Variants in SLC15A2 observed in about 807,000 individuals in gnomAD.
SLC15A2 encodes solute carrier family 15 member 2, also known as kidney H(+)/peptide cotransporter.
In SLC15A2, 77 loss-of-function variants were observed where a neutral mutation model predicts 95.5. The ratio of observed to expected loss-of-function variants is 0.81; its 90% CI spans 0.67 to 0.97. SLC15A2 has a LOEUF of 0.97. Ranked by LOEUF, SLC15A2 falls within the 50% of genes least tolerant of loss-of-function variation. The probability of loss-of-function intolerance (pLI) is 0.00; values close to 1 mark genes in which losing one functional copy is unlikely to be tolerated. For synonymous variants in SLC15A2, 306 were observed against 306.9 expected (o/e 1.00, Z 0.03); for missense variants, 893 against 874.4 (o/e 1.02, Z -0.27).
chr3:121,902,400 T>C (rs1042847835), intron 3 of SLC15A2, among the ~76,000 whole-genome samples: 5 of 152,176 alleles, frequency 3.3e-5, no homozygotes, highest in African/African-American at 9.7e-5. Context: ...AGGGTACACG[T>C]GCACAACGTG....
intron 3 of SLC15A2, among the ~76,000 whole-genome samples, chr3:121,898,257 G>A (rs992062755): frequency 3.0e-4 from 46 of 151,506 alleles, no homozygotes; most frequent in Non-Finnish European, 5.3e-4. Flanking sequence ...CCTCCTTTAG[G>A]ATCTTCTTAT....
At chr3:121,920,562 C>T (rs192808865) in intron 7 of SLC15A2, among the ~76,000 whole-genome samples, 1 of 152,282 alleles carries the variant, frequency 6.6e-6, no homozygotes, top group East Asian at 1.9e-4. Context: ...TTCCAAACTG[C>T]TAAGTTTACG....
intron 3 of SLC15A2, among the ~76,000 whole-genome samples, chr3:121,906,363 A>T (rs1197240334): frequency 1.3e-5 from 2 of 152,188 alleles, no homozygotes; most frequent in Non-Finnish European, 2.9e-5. Context: ...TTTACATTTA[A>T]GGTTAATATT....
At chr3:121,912,150 A>G (rs1010671180) in intron 4 of SLC15A2, among the ~76,000 whole-genome samples, 5 of 152,190 alleles carry the variant, frequency 3.3e-5, no homozygotes, top group African/African-American at 1.2e-4. Context: ...ACAGCTGTTC[A>G]CAAAGCAGTT....
intron 3 of SLC15A2, among the ~76,000 whole-genome samples, chr3:121,902,821 T>G (rs890325539): frequency 6.6e-6 from 1 of 152,226 alleles, no homozygotes; most frequent in African/African-American, 2.4e-5. Flanking sequence ...AGTAAACATA[T>G]GTATGCATGT....
At chr3:121,910,001 T>A (rs997252293) in intron 3 of SLC15A2, among the ~76,000 whole-genome samples, 1 of 152,030 alleles carries the variant, frequency 6.6e-6, no homozygotes, top group Non-Finnish European at 1.5e-5. Context: ...TTTTCCTCTA[T>A]GATGATCTAA....
chr3:121,894,748 A>T (rs756513313), intron 1 of SLC15A2, among the ~76,000 whole-genome samples, 167 bp downstream of exon 1: 7 of 152,230 alleles, frequency 4.6e-5, no homozygotes. Context: ...CTTCCTTTAC[A>T]TAAGAAGACA....
At chr3:121,918,107 G>A (rs1375415071) in intron 7 of SLC15A2, among the ~76,000 whole-genome samples, 2 of 152,300 alleles carry the variant, frequency 1.3e-5, no homozygotes, top group Middle Eastern at 3.4e-3. Flanking sequence ...TTGTGTTGGA[G>A]TGAGGCAAAG....
intron 19 of SLC15A2, among the ~76,000 whole-genome samples, chr3:121,932,167 G>T (rs756606033): frequency 5.9e-5 from 9 of 152,154 alleles, no homozygotes; most frequent in Non-Finnish European, 1.3e-4. Context: ...GCCTCCCAAA[G>T]TGTTGAGATT....
chr3:121,909,335 T>C (rs1225743486), intron 3 of SLC15A2, among the ~76,000 whole-genome samples: 4 of 152,304 alleles, frequency 2.6e-5, no homozygotes, highest in Non-Finnish European at 5.9e-5. Context: ...AGTTCTGGGA[T>C]TACAGGGGTG....
At chr3:121,926,137 T>C (rs1710117487) in intron 13 of SLC15A2, among the ~76,000 whole-genome samples, 1 of 152,044 alleles carries the variant, frequency 6.6e-6, no homozygotes, top group African/African-American at 2.4e-5. Flanking sequence ...TAATTGGTCA[T>C]GGAAACATGG....
rs978126228 is a variant in SLC15A2 at position 121,902,423 on chromosome 3, A to G, written c.335+4894A>G. ...CGTGCACAACGTGCAGGTTTGTTAC[A>G]TAGGTATACATGTGCCATGTTGGTT... On this transcript the variant is annotated intron_variant, in intron 3 of 21. Coordinates refer to ENST00000489711, the MANE Select transcript of SLC15A2 (RefSeq NM_021082.4). Among the ~76,000 whole-genome samples, 6 of 152,096 alleles carry G rather than the reference A, an allele frequency of 3.9e-5. No homozygotes were observed. In the South Asian group the frequency reaches 8.3e-4, roughly 21 times the overall value.
chr3:121,907,161 T>G (rs922541588), intron 3 of SLC15A2, among the ~76,000 whole-genome samples: 2 of 152,194 alleles, frequency 1.3e-5, no homozygotes, highest in Admixed American at 6.5e-5. Context: ...AGCTTGTGCA[T>G]GCATCACATA....
chr3:121,915,022 C>T lies in SLC15A2; in HGVS notation c.529-205C>T. ...AAAAGGGAGGAAAAGAATGCTAAAG[C>T]TGCTCTGGAGTTTGAAAGGTGAGTA... On this transcript the variant is annotated intron_variant, in intron 5 of 21. Transcript: ENST00000489711. 2.2e-6 allele frequency: 3 copies of T among 1,340,654 alleles called. No individual in the cohort carries two copies. In the East Asian group the frequency reaches 9.0e-5, roughly 40 times the overall value. The allele number at this position is 1,340,654 out of a possible 1,614,324, so 83.0% of individuals were successfully genotyped here. A position where few individuals can be genotyped will look rare whatever the true frequency, so the allele number is the denominator to read the frequency against.
At chr3:121,932,400 G>T (rs1304178974) in intron 19 of SLC15A2, among the ~76,000 whole-genome samples, 1 of 152,084 alleles carries the variant, frequency 6.6e-6, no homozygotes, top group Non-Finnish European at 1.5e-5. Context: ...TGTCTTCTTG[G>T]CCAGCTTCAT....
At position 121,936,014 on chromosome 3, in the gene SLC15A2, C is replaced by T. The variant is rs560586430; in HGVS notation, c.1762-3335C>T. ...AACATCTTTATTTCTGCCTTCATTT[C>T]GTGATGTACCCAGTAGTCATTCAGG... On this transcript the variant is annotated intron_variant, in intron 19 of 21. Transcript: ENST00000489711. Among the ~76,000 whole-genome samples the T allele has an allele frequency of 2.8e-4, 43 of 152,246 alleles. No individual in the cohort carries two copies. The South Asian group carries it at 7.9e-3, about 28-fold the overall frequency.
intron 3 of SLC15A2, among the ~76,000 whole-genome samples, chr3:121,903,286 C>T (rs1422789950): frequency 6.6e-6 from 1 of 152,138 alleles, no homozygotes; most frequent in Admixed American, 6.5e-5. Context: ...AAAATTTTCT[C>T]CCACTCTGTA....
At position 121,923,112 on chromosome 3, in the gene SLC15A2, G is replaced by T. The variant is rs768694030; in HGVS notation, c.940G>T (p.Ala314Ser). The T allele has an allele frequency of 2.5e-6, 4 of 1,613,842 alleles. No homozygotes were observed. The highest frequency in any genetic ancestry group is 3.4e-6 in the Non-Finnish European group (4 of 1,179,900). The stretch of plus-strand genomic sequence containing the variant: ...TTATATCCCATTGCCCATGTTCTGG[G>T]CTCTTTTGGATCAGCAGGTAAGAAT... Reference protein sequence around the residue: ...FLYIPLPMFWALLDQQGSRWT... With the variant: ...FLYIPLPMFWSLLDQQGSRWT... Residue 314 changes from alanine (A) to serine (S), a missense_variant, in exon 10 of 22, where the codon GCT becomes TCT. Ala to Ser is a moderately conservative substitution (Grantham distance 99). Transcript: ENST00000489711.
chr3:121,919,633 G>A lies in SLC15A2; in HGVS notation c.698-2587G>A, dbSNP rs941188072. 3.3e-5 allele frequency among the ~76,000 whole-genome samples: 5 copies of A among 152,160 alleles called. No individual in the cohort carries two copies. The South Asian group carries it at 1.0e-3, about 32-fold the overall frequency. On this transcript the variant is annotated intron_variant, in intron 7 of 21. Transcript: ENST00000489711. ...CAGGTCATGGACTCTATCAGGAACC[G>A]GCAAGTCGGTTTTCAGGCTTTAAAC...
Sources: allele counts gnomAD v4.1 joint callset (sites outside exome capture counted in the v4.1 genomes callset), GRCh38; gene constraint gnomAD v4.1.1; transcripts MANE v1.5; gene names NCBI Gene and HGNC (gene_info 2026-07-23, HGNC 2026-07-21).